EDA: variants seen among roughly 807,000 people sequenced by gnomAD.
EDA encodes ectodysplasin-A.
EDA carries 2 observed loss-of-function variants against 23.6 expected under a neutral mutation model. The ratio of observed to expected loss-of-function variants is 0.08; its 90% CI spans 0.03 to 0.27. The LOEUF (loss-of-function observed/expected upper bound fraction) is 0.27. Among genes scored for constraint, EDA ranks in the 10% least tolerant of loss-of-function variants. The probability of loss-of-function intolerance (pLI) is 1.00; values close to 1 mark genes in which losing one functional copy is unlikely to be tolerated. For missense variants in EDA, 229 were observed against 324.2 expected, an observed-to-expected ratio of 0.71 and a Z score of 2.26; for synonymous variants, 131 against 132.0, an observed-to-expected ratio of 0.99 and a Z score of 0.05.
chrX:70,033,542 T>G lies in EDA; in HGVS notation c.924+14T>G. 4.1e-6 allele frequency: 5 copies of G among 1,209,956 alleles called. No homozygotes were observed. The highest frequency in any genetic ancestry group is 5.6e-6 in the Non-Finnish European group (5 of 894,819). On this transcript the variant is annotated intron_variant, in intron 7 of 7. Coordinates refer to ENST00000374552, the MANE Select transcript of EDA (RefSeq NM_001399.5). ...AGTCAGGTAGAAGTGAGTACGGTCTTAGGCCTAACTCTTCTTATATCCAGA... is the reference window on the plus strand; with the variant it reads ...AGTCAGGTAGAAGTGAGTACGGTCTGAGGCCTAACTCTTCTTATATCCAGA...
At chrX:69,849,574 G>A (rs2017082362) in intron 1 of EDA, among the ~76,000 whole-genome samples, 1 of 111,547 alleles carries the variant, frequency 9.0e-6, no homozygotes, top group African/African-American at 3.3e-5. Context: ...TACAACTTGA[G>A]CCTACAAGGA....
intron 1 of EDA, among the ~76,000 whole-genome samples, chrX:69,851,304 T>C (rs766344739): frequency 9.0e-6 from 1 of 111,716 alleles, no homozygotes; most frequent in East Asian, 2.8e-4. Context: ...ATTTCTTCCT[T>C]CATGGCTTCT....
chrX:70,035,812 T>TA lies in EDA; in HGVS notation c.*203_*204insA. Reference sequence around the variant, plus strand: ...AATGACCTTGAGTTAACAGGACAGTTGATGGAGCCCCAGGGTTTACATGAA... The same window carrying TA: ...AATGACCTTGAGTTAACAGGACAGTTAGATGGAGCCCCAGGGTTTACATGAA... On this transcript the variant is annotated 3_prime_UTR_variant, in exon 8 of 8. Transcript: ENST00000374552. 8.6e-6 allele frequency: 4 copies of TA among 467,581 alleles called. No homozygotes were observed. The highest frequency in any genetic ancestry group is 7.2e-6 in the Non-Finnish European group (2 of 276,753). 38.5% of individuals were successfully genotyped at this position (467,581 alleles called of 1,213,427 possible). A position where few individuals can be genotyped will look rare whatever the true frequency, so the allele number is the denominator to read the frequency against.
intron 1 of EDA, among the ~76,000 whole-genome samples, chrX:69,816,277 A>G (rs1466840669): frequency 8.9e-6 from 1 of 112,116 alleles, no homozygotes; most frequent in South Asian, 3.7e-4. Flanking sequence ...TCAAAAAGCT[A>G]GACTGCCTCT....
intron 1 of EDA, among the ~76,000 whole-genome samples, chrX:69,801,187 C>CT (rs940276007): frequency 2.7e-4 from 29 of 109,004 alleles, no homozygotes; most frequent in East Asian, 1.7e-3. Context: ...GTAGGGAAAC[C>CT]TTTTTTTTTG....
intron 1 of EDA, among the ~76,000 whole-genome samples, chrX:69,784,584 C>A (rs1363165232): frequency 1.9e-5 from 2 of 104,916 alleles, no homozygotes; most frequent in African/African-American, 3.4e-5. Flanking sequence ...TCAGGTTTGT[C>A]AAAGATCAGA....
chrX:69,714,122 A>G (rs2012211411), intron 1 of EDA, among the ~76,000 whole-genome samples: 1 of 111,157 alleles, frequency 9.0e-6, no homozygotes, highest in Non-Finnish European at 1.9e-5. Context: ...ATAGGTGTGT[A>G]GTAGTGTATC....
intron 3 of EDA, among the ~76,000 whole-genome samples, chrX:70,026,424 A>G (rs1253491019): frequency 8.9e-6 from 1 of 111,818 alleles, no homozygotes; most frequent in African/African-American, 3.3e-5. Context: ...CAAGGAGGAA[A>G]GGGGGAAGAG....
At chrX:69,632,140 A>C (rs1932619781) in intron 1 of EDA, among the ~76,000 whole-genome samples, 1 of 111,566 alleles carries the variant, frequency 9.0e-6, no homozygotes, top group Admixed American at 9.5e-5. Flanking sequence ...GGATGGTGTA[A>C]TAGGAAATCT....
chrX:69,782,216 A>G (rs186524780), intron 1 of EDA, among the ~76,000 whole-genome samples: 1 of 109,487 alleles, frequency 9.1e-6, no homozygotes, highest in Admixed American at 9.9e-5. Flanking sequence ...AAAAAGGACT[A>G]TACATGAGGA....
At chrX:69,826,806 A>G (rs1251195700) in intron 1 of EDA, among the ~76,000 whole-genome samples, 1 of 110,539 alleles carries the variant, frequency 9.0e-6, no homozygotes, top group African/African-American at 3.3e-5. Context: ...GATGGTCTTT[A>G]CATTTTGGCA....
At chrX:69,723,906 G>T (rs2012689980) in intron 1 of EDA, among the ~76,000 whole-genome samples, 1 of 111,566 alleles carries the variant, frequency 9.0e-6, no homozygotes, top group Non-Finnish European at 1.9e-5. Flanking sequence ...CCAAATTGTT[G>T]TTAGTCTCCT....
intron 1 of EDA, among the ~76,000 whole-genome samples, chrX:69,653,880 A>G (rs1429153501): frequency 1.8e-5 from 2 of 111,995 alleles, no homozygotes; most frequent in African/African-American, 6.5e-5. Context: ...CATTCAGGAC[A>G]TAGGCATGGG....
intron 2 of EDA, among the ~76,000 whole-genome samples, chrX:69,992,574 TTCTC>T (rs1184766647): frequency 2.7e-5 from 3 of 112,290 alleles, no homozygotes; most frequent in African/African-American, 9.7e-5. Flanking sequence ...AGGTTTCCAT[TTCTC>T]TCTATTACAA....
chrX:69,773,387 C>CT (rs765180306), intron 1 of EDA, among the ~76,000 whole-genome samples: 3 of 111,895 alleles, frequency 2.7e-5, no homozygotes, highest in Non-Finnish European at 5.6e-5. Context: ...GTACAAGTGT[C>CT]TATTTGTGTC....
chrX:69,689,648 CT>C (rs773341665), intron 1 of EDA, among the ~76,000 whole-genome samples: 1 of 110,210 alleles, frequency 9.1e-6, no homozygotes, highest in Admixed American at 9.7e-5. Context: ...CTTTGTTCTT[CT>C]TTATCAAGAT....
chrX:69,974,862 A>G (rs1234949391), intron 2 of EDA, among the ~76,000 whole-genome samples: 1 of 112,218 alleles, frequency 8.9e-6, no homozygotes, highest in Non-Finnish European at 1.9e-5. Flanking sequence ...AACATGAAAA[A>G]ATGTTCGGCA....
intron 1 of EDA, among the ~76,000 whole-genome samples, chrX:69,672,948 G>A (rs775204769): frequency 1.6e-4 from 18 of 110,392 alleles, no homozygotes; most frequent in Non-Finnish European, 3.0e-4. Context: ...GCAGATTTCA[G>A]GAGTCTGCTG....
chrX:69,888,978 TTATATATATATATATATATA>T (rs935436674), intron 1 of EDA, among the ~76,000 whole-genome samples: 19 of 16,013 alleles, frequency 1.2e-3, no homozygotes, highest in East Asian at 3.3e-3. Context: ...TGTGGGGTAG[TTATATATATATATATATATA>T]TATATATATA....
Sources: gnomAD v4.1 joint callset for allele counts (sites outside exome capture counted in the v4.1 genomes callset) on GRCh38, gnomAD v4.1.1 for gene constraint, MANE v1.5 for transcripts, NCBI Gene and HGNC (gene_info 2026-07-23, HGNC 2026-07-21) for gene names.